ELFN1: variants seen among roughly 807,000 people sequenced by gnomAD.
ELFN1 encodes the protein extracellular leucine rich repeat and fibronectin type III domain containing 1.
ELFN1 carries 6 observed loss-of-function variants against 7.6 expected under a neutral mutation model. That is an observed-to-expected ratio of 0.79 (90% confidence interval 0.43 to 1.56). ELFN1 has a LOEUF of 1.56. Among genes scored for constraint, ELFN1 ranks in the 40% most tolerant of loss-of-function variants. The pLI, the probability that ELFN1 is intolerant of heterozygous loss-of-function variation, is 0.01. For missense variants in ELFN1, 1,169 were observed against 1,232.2 expected (o/e 0.95, Z 0.77); for synonymous variants, 657 against 588.1 (o/e 1.12, Z -1.70).
intron 3 of ELFN1, among the ~76,000 whole-genome samples, chr7:1,731,056 T>C (rs1780314984): frequency 6.6e-6 from 1 of 152,180 alleles, no homozygotes; most frequent in Non-Finnish European, 1.5e-5. Context: ...GGTCCCCACT[T>C]ACAACGGCAC....
rs536543788 is a variant in ELFN1, at chr7:1,745,204, G to A, written c.608G>A (p.Arg203His). 139 of 1,544,562 alleles carry A rather than the reference G, an allele frequency of 9.0e-5. No individual in the cohort carries two copies. Among genetic ancestry groups the A allele is most frequent in the Middle Eastern group, 5.0e-4 (3 of 5,990 alleles). The change falls in exon 4 of 4, where the codon CGC becomes CAC. Residue 203 changes from arginine (R) to histidine (H), a missense_variant. Transcript: ENST00000424383. Reference protein sequence around the residue: ...YCSCELLGFLRWLAAFTNATQ... With the variant: ...YCSCELLGFLHWLAAFTNATQ... ...TCCTGCGAGCTGCTGGGCTTCCTGC[G>A]CTGGCTGGCCGCCTTCACCAACGCC...
intron 3 of ELFN1, among the ~76,000 whole-genome samples, chr7:1,734,997 G>T (rs1199890611): frequency 6.6e-6 from 1 of 152,130 alleles, no homozygotes; most frequent in Non-Finnish European, 1.5e-5. Flanking sequence ...GCCCGCTCCG[G>T]GAATCTGCAT....
At chr7:1,675,705 GAGGGCTTTGCAGAGCAC>G (rs1778857439) in intron 1 of ELFN1, among the ~76,000 whole-genome samples, 1 of 152,242 alleles carries the variant, frequency 6.6e-6, no homozygotes, top group Non-Finnish European at 1.5e-5. Context: ...CCTGCAGGGA[GAGGGCTTTGCAGAGCAC>G]ACAGTGAGGC....
At chr7:1,679,055 G>C (rs1414645568) in intron 1 of ELFN1, among the ~76,000 whole-genome samples, 7 of 152,132 alleles carry the variant, frequency 4.6e-5, no homozygotes, top group African/African-American at 1.7e-4. Flanking sequence ...GCGTGACCCT[G>C]AGTTACACAC....
intron 1 of ELFN1, among the ~76,000 whole-genome samples, chr7:1,675,273 C>T (rs892615178): frequency 3.9e-5 from 6 of 152,152 alleles, no homozygotes; most frequent in African/African-American, 1.4e-4. Context: ...GTGCTGACCG[C>T]GCTGAGAGCT....
At chr7:1,688,171 C>T (rs900001622) in intron 2 of ELFN1, 21 bp downstream of exon 2, 1 of 151,736 alleles carries the variant, frequency 6.6e-6, no homozygotes, top group South Asian at 2.1e-4. Flanking sequence ...CTGCACCTGG[C>T]CCCATTTTTC....
chr7:1,745,313 C>A lies in ELFN1; in HGVS notation c.717C>A (p.His239Gln). The A allele has an allele frequency of 6.5e-7, 1 of 1,539,056 alleles. No individual in the cohort carries two copies. The highest frequency in any genetic ancestry group is 8.7e-7 in the Non-Finnish European group (1 of 1,146,768). Residue 239 changes from histidine (H) to glutamine (Q), a missense_variant, in exon 4 of 4, where the codon CAC becomes CAA. Physicochemically the swap from His to Gln is conservative, Grantham distance 24 (BLOSUM62 0). Coordinates refer to ENST00000424383, the MANE Select transcript of ELFN1 (RefSeq NM_001128636.4). Reference protein sequence around the residue: ...YYLLGQGRRGHRSILSKLQSV... With the variant: ...YYLLGQGRRGQRSILSKLQSV... ...TCCTGGGCCAGGGCCGCCGCGGCCA[C>A]CGCAGCATCCTCAGCAAACTGCAGT...
chr7:1,733,047 C>T (rs1364640447), intron 3 of ELFN1, among the ~76,000 whole-genome samples: 1 of 152,130 alleles, frequency 6.6e-6, no homozygotes, highest in African/African-American at 2.4e-5. Flanking sequence ...ATTACAGGCA[C>T]CTGCCACCAC....
rs761498559 is a variant in ELFN1, at chr7:1,746,473, G to C, written c.1877G>C (p.Arg626Pro). The change falls in exon 4 of 4, where the codon CGG becomes CCG. Residue 626 changes from arginine (R) to proline (P), a missense_variant. Transcript: ENST00000424383. ...YKDAFGHSLQ[R>P]HHSVEAAGPP... ...GACGCCTTCGGCCACAGCCTGCAGC[G>C]GCACCACAGCGTGGAGGCCGCCGGG... 6 of 1,517,770 alleles carry C rather than the reference G, an allele frequency of 4.0e-6. No individual in the cohort carries two copies. The Admixed American group carries it at 1.0e-4, about 26-fold the overall frequency. The allele number at this position is 1,517,770 out of a possible 1,614,324, so 94.0% of individuals were successfully genotyped here.
Position 1,745,742 on chromosome 7 carries a change from G to A in ELFN1, c.1146G>A (p.Val382=), listed in dbSNP as rs781543121. Residue 382 remains valine, a synonymous_variant, in exon 4 of 4, where the codon GTG becomes GTA. Transcript: ENST00000424383. The part of the protein sequence containing the change: ...FTLTNYTYCV[V]STSAGLRHNH... ...TCACCAACTACACCTACTGCGTGGT[G>A]TCCACCAGCGCCGGGCTGCGCCACA... The A allele has an allele frequency of 6.4e-7, 1 of 1,551,350 alleles. No individual in the cohort carries two copies. Among genetic ancestry groups the A allele is most frequent in the Non-Finnish European group, 8.7e-7 (1 of 1,147,166 alleles).
At chr7:1,742,713 G>A (rs1780661348) in intron 3 of ELFN1, among the ~76,000 whole-genome samples, 2 of 152,342 alleles carry the variant, frequency 1.3e-5, no homozygotes, top group South Asian at 4.1e-4. Flanking sequence ...AGCTCCCCGA[G>A]GCCCGCTAGG....
intron 1 of ELFN1, among the ~76,000 whole-genome samples, chr7:1,678,086 C>T (rs557708583): frequency 2.0e-5 from 3 of 152,094 alleles, no homozygotes; most frequent in South Asian, 2.1e-4. Flanking sequence ...TTCCCGCACC[C>T]GAATCCACAC....
At chr7:1,678,947 TC>T (rs992823969) in intron 1 of ELFN1, among the ~76,000 whole-genome samples, 8 of 152,020 alleles carry the variant, frequency 5.3e-5, no homozygotes, top group Non-Finnish European at 1.2e-4. Flanking sequence ...TGGCCTGTGC[TC>T]CCAGGAGTGC....
At chr7:1,708,264 T>C (rs748473846) in intron 2 of ELFN1, among the ~76,000 whole-genome samples, 10 of 152,152 alleles carry the variant, frequency 6.6e-5, no homozygotes, top group Non-Finnish European at 1.3e-4. Context: ...TGCCACCTCG[T>C]GGTGAAGGAA....
intron 3 of ELFN1, among the ~76,000 whole-genome samples, chr7:1,733,586 C>T (rs1214530134): frequency 6.6e-6 from 1 of 152,174 alleles, no homozygotes; most frequent in Non-Finnish European, 1.5e-5. Flanking sequence ...CACTCCCTGC[C>T]TGGGGCGGCC....
intron 3 of ELFN1, among the ~76,000 whole-genome samples, chr7:1,741,976 A>G (rs922692731): frequency 2.7e-5 from 4 of 147,074 alleles, no homozygotes; most frequent in Non-Finnish European, 5.9e-5. Flanking sequence ...GTACACACAC[A>G]CAGACAACCT....
In ELFN1 at chr7:1,714,066, G is replaced by A. The variant is rs112436017; in HGVS notation, c.-294+4814G>A. On this transcript the variant is annotated intron_variant, in intron 3 of 3. Transcript: ENST00000424383. ...CCGCATTTGAAGTCATGCCTCACACGGGCGGGCTGGAAGGAACCTGGGACG... is the reference window on the plus strand; with the variant it reads ...CCGCATTTGAAGTCATGCCTCACACAGGCGGGCTGGAAGGAACCTGGGACG... Among the ~76,000 whole-genome samples the A allele has an allele frequency of 6.0e-3, 908 of 152,296 alleles. 5 individuals carry two copies. The highest frequency in any genetic ancestry group is 0.01 in the Non-Finnish European group (683 of 68,026).
intron 3 of ELFN1, among the ~76,000 whole-genome samples, chr7:1,732,578 G>C (rs1462234781): frequency 6.6e-6 from 1 of 152,158 alleles, no homozygotes; most frequent in Non-Finnish European, 1.5e-5. Flanking sequence ...CTTTACACCA[G>C]AAAAATAGTC....
chr7:1,704,320 T>A (rs1042761633), intron 2 of ELFN1, among the ~76,000 whole-genome samples: 1 of 152,096 alleles, frequency 6.6e-6, no homozygotes, highest in East Asian at 1.9e-4. Context: ...CTGTGGGGAA[T>A]GGGCACCCAG....
Sources: gnomAD v4.1 joint callset for allele counts (sites outside exome capture counted in the v4.1 genomes callset) on GRCh38, gnomAD v4.1.1 for gene constraint, MANE v1.5 for transcripts, NCBI Gene and HGNC (gene_info 2026-07-23, HGNC 2026-07-21) for gene names.